The following PDE4B variants were observed in gnomAD, a reference collection of about 807,000 sequenced individuals.
PDE4B encodes the protein phosphodiesterase 4B.
PDE4B carries 20 observed loss-of-function variants against 82.2 expected under a neutral mutation model. The ratio of observed to expected loss-of-function variants is 0.24; its 90% CI spans 0.17 to 0.35. The LOEUF is 0.35. Ranked by LOEUF, PDE4B falls within the 10% of genes least tolerant of loss-of-function variation. PDE4B has a pLI of 1.00. For missense variants in PDE4B, 655 were observed against 907.2 expected (o/e 0.72, Z 3.57); for synonymous variants, 320 against 318.9 (o/e 1.00, Z -0.04).
intron 1 of PDE4B, among the ~76,000 whole-genome samples, chr1:65,846,117 C>G (rs1015739622): frequency 1.3e-5 from 2 of 152,176 alleles, no homozygotes; most frequent in Non-Finnish European, 2.9e-5. Flanking sequence ...GACTCCATGA[C>G]AGCACTAGGT....
intron 3 of PDE4B, among the ~76,000 whole-genome samples, chr1:66,205,023 T>C (rs1649432286): frequency 6.6e-6 from 1 of 152,230 alleles, no homozygotes; most frequent in African/African-American, 2.4e-5. Flanking sequence ...ATTTTGGTAG[T>C]TCAGCCTTTT....
rs1028008001 is a variant in PDE4B, at chr1:66,373,805, C to T, written c.*1127C>T. ...TGTATTGTGTATTATATAACCCAAA[C>T]GTCACTTAGTAGAGACATATGGCCC... is the stretch of plus-strand genomic sequence containing the variant. On this transcript the variant is annotated 3_prime_UTR_variant, in exon 17 of 17. Coordinates refer to ENST00000341517, the MANE Select transcript of PDE4B (RefSeq NM_002600.4). 6.6e-6 allele frequency: 1 copy of T among 152,366 alleles called. No homozygotes were observed. Among genetic ancestry groups the T allele is most frequent in the Non-Finnish European group, 1.5e-5 (1 of 68,046 alleles). The allele number at this position is 152,366 out of a possible 1,614,324, so 9.4% of individuals were successfully genotyped here. A position where few individuals can be genotyped will look rare whatever the true frequency, so the allele number is the denominator to read the frequency against.
intron 7 of PDE4B, among the ~76,000 whole-genome samples, chr1:66,281,837 C>A (rs2101783154): frequency 6.6e-6 from 1 of 152,206 alleles, no homozygotes; most frequent in Middle Eastern, 3.4e-3. Flanking sequence ...TTTTTTTTAA[C>A]CAATAAAACT....
At chr1:66,355,451 A>T (rs1662160970) in intron 8 of PDE4B, 76 bp from the exon 9 acceptor site, 1 of 886,114 alleles carries the variant, frequency 1.1e-6, no homozygotes, top group African/African-American at 1.6e-5. Context: ...ATTCCTGGAC[A>T]GTAAAGTTGG....
At chr1:65,864,890 A>G (rs1188197705) in intron 1 of PDE4B, among the ~76,000 whole-genome samples, 2 of 152,058 alleles carry the variant, frequency 1.3e-5, no homozygotes, top group African/African-American at 4.8e-5. Context: ...GAGCTCAAAC[A>G]CCGTGCTGGG....
chr1:66,030,240 G>A (rs2100795390), intron 3 of PDE4B, among the ~76,000 whole-genome samples: 1 of 152,218 alleles, frequency 6.6e-6, no homozygotes, highest in South Asian at 2.1e-4. Flanking sequence ...ATGTGCTGCT[G>A]GACCTGGTTT....
intron 3 of PDE4B, among the ~76,000 whole-genome samples, chr1:66,185,305 G>A (rs1247178568): frequency 6.6e-6 from 1 of 152,212 alleles, no homozygotes; most frequent in Non-Finnish European, 1.5e-5. Flanking sequence ...AAACATACGT[G>A]TGCATGTGTC....
intron 1 of PDE4B, among the ~76,000 whole-genome samples, chr1:65,834,111 C>T (rs1173903296): frequency 1.3e-5 from 2 of 152,166 alleles, no homozygotes; most frequent in Non-Finnish European, 2.9e-5. Context: ...GTGGTATAAT[C>T]TCAGCTCACT....
intron 3 of PDE4B, among the ~76,000 whole-genome samples, chr1:66,117,935 A>G (rs1645629710): frequency 6.6e-6 from 1 of 152,182 alleles, no homozygotes; most frequent in South Asian, 2.1e-4. Context: ...CAACAGTGTA[A>G]AAGTGTTCCT....
At chr1:66,369,114 G>A in intron 16 of PDE4B, 145 bp downstream of exon 16, 2 of 577,542 alleles carry the variant, frequency 3.5e-6, no homozygotes, top group Non-Finnish European at 5.7e-6. Flanking sequence ...TTATAGTCAG[G>A]ACTCATGCGA....
At chr1:66,326,411 G>A (rs1001293797) in intron 7 of PDE4B, among the ~76,000 whole-genome samples, 1 of 152,164 alleles carries the variant, frequency 6.6e-6, no homozygotes, top group African/African-American at 2.4e-5. Flanking sequence ...CCAATATCTT[G>A]ACTTCTATTA....
intron 3 of PDE4B, among the ~76,000 whole-genome samples, chr1:66,058,289 T>C (rs1437648276): frequency 6.6e-6 from 1 of 152,212 alleles, no homozygotes; most frequent in Non-Finnish European, 1.5e-5. Context: ...ACAGCCTTCC[T>C]CCCAGCTGCT....
At chr1:65,864,292 C>T (rs1179672535) in intron 1 of PDE4B, among the ~76,000 whole-genome samples, 3 of 151,862 alleles carry the variant, frequency 2.0e-5, no homozygotes, top group African/African-American at 7.3e-5. Context: ...AGCTTCCTTG[C>T]CTTGGGTTAG....
intron 1 of PDE4B, among the ~76,000 whole-genome samples, chr1:65,826,058 G>C (rs896385929): frequency 6.6e-6 from 1 of 152,232 alleles, no homozygotes; most frequent in Non-Finnish European, 1.5e-5. Context: ...TGCTAATTTT[G>C]TCCCTTTAGG....
At chr1:66,308,551 A>G (rs554550826) in intron 7 of PDE4B, among the ~76,000 whole-genome samples, 4 of 152,202 alleles carry the variant, frequency 2.6e-5, no homozygotes, top group Admixed American at 2.6e-4. Context: ...GCTTAATATC[A>G]AAGATTAGTG....
chr1:66,266,791 C>T, intron 7 of PDE4B: 1 of 456,692 alleles, frequency 2.2e-6, no homozygotes. Flanking sequence ...GCAACCAGTT[C>T]TATGATATTT....
intron 3 of PDE4B, among the ~76,000 whole-genome samples, chr1:66,146,212 C>T (rs538595808): frequency 1.9e-5 from 2 of 104,994 alleles, no homozygotes; most frequent in Admixed American, 1.5e-4. Flanking sequence ...GAGACGGAGT[C>T]TCACTCTGTC....
chr1:66,338,888 G>A (rs1343609520), intron 8 of PDE4B, among the ~76,000 whole-genome samples: 4 of 151,184 alleles, frequency 2.6e-5, no homozygotes, highest in South Asian at 2.1e-4. Context: ...GCGTAGTGGC[G>A]GGCGCCTGTA....
At chr1:66,147,375 T>A (rs1646296410) in intron 3 of PDE4B, among the ~76,000 whole-genome samples, 1 of 152,196 alleles carries the variant, frequency 6.6e-6, no homozygotes, top group African/African-American at 2.4e-5. Flanking sequence ...CAATATTGAC[T>A]TGCCCAAGAT....
Sources: allele counts gnomAD v4.1 joint callset (sites outside exome capture counted in the v4.1 genomes callset), GRCh38; gene constraint gnomAD v4.1.1; transcripts MANE v1.5; gene names NCBI Gene and HGNC (gene_info 2026-07-23, HGNC 2026-07-21).